CD9: variants seen among roughly 807,000 people sequenced by gnomAD.
The protein encoded by CD9 is CD9 antigen.
In CD9, 10 loss-of-function variants were observed where a neutral mutation model predicts 31.4. The observed-to-expected ratio is 0.32, with a 90% CI of 0.20 to 0.54. The LOEUF (loss-of-function observed/expected upper bound fraction) is 0.54. CD9 is among the 20% of genes least tolerant of loss of function. The pLI, the probability that CD9 is intolerant of heterozygous loss-of-function variation, is 0.94. For missense variants in CD9, 259 were observed against 300.1 expected (o/e 0.86, Z 1.01); for synonymous variants, 113 against 114.1 (o/e 0.99, Z 0.06).
intron 1 of CD9, among the ~76,000 whole-genome samples, chr12:6,215,187 A>G (rs1946232373): frequency 6.6e-6 from 1 of 152,226 alleles, no homozygotes; most frequent in African/African-American, 2.4e-5. Flanking sequence ...CTGGGCAGTG[A>G]GCTCTCCCTA....
At chr12:6,235,975 T>C in intron 6 of CD9, 1 of 1,417,022 alleles carries the variant, frequency 7.1e-7, no homozygotes, top group South Asian at 1.6e-5. Flanking sequence ...CCTCCTTCCC[T>C]GACGTCCTGC....
intron 1 of CD9, among the ~76,000 whole-genome samples, chr12:6,217,522 C>T (rs945625337): frequency 1.3e-5 from 2 of 151,930 alleles, no homozygotes; most frequent in Non-Finnish European, 2.9e-5. Flanking sequence ...CAGATTGAGA[C>T]CTGTCTCAAA....
chr12:6,201,214 C>T (rs1222224606), intron 1 of CD9, among the ~76,000 whole-genome samples: 1 of 152,224 alleles, frequency 6.6e-6, no homozygotes, highest in East Asian at 1.9e-4. Context: ...TCTGAGCCAC[C>T]GTGAGAGCGC....
chr12:6,228,698 G>A (rs779657538), intron 2 of CD9, among the ~76,000 whole-genome samples: 9 of 152,156 alleles, frequency 5.9e-5, no homozygotes, highest in South Asian at 2.1e-4. Flanking sequence ...GCGTCGCTCT[G>A]TGTCCCCTTC....
Position 6,230,091 on chromosome 12 carries a change from G to T in CD9, c.176-2541G>T, listed in dbSNP as rs888201611. 2.0e-5 allele frequency among the ~76,000 whole-genome samples: 3 copies of T among 152,224 alleles called. No individual in the cohort carries two copies. The South Asian group carries it at 6.2e-4, about 31-fold the overall frequency. ...ATAGCCCTTGTAAAAACCAGCCCGA[G>T]CCCTGCAGTGGTTCCGTGACTTCCA... On this transcript the variant is annotated intron_variant, in intron 2 of 7. Transcript: ENST00000009180.
intron 2 of CD9, 74 bp downstream of exon 2, chr12:6,225,608 G>A (rs1946355008): frequency 4.3e-6 from 4 of 919,850 alleles, no homozygotes; most frequent in South Asian, 2.7e-5. Context: ...GAGGCCCCAT[G>A]TTGACCCAGG....
chr12:6,211,992 A>T (rs1002860638), intron 1 of CD9, among the ~76,000 whole-genome samples: 5 of 152,144 alleles, frequency 3.3e-5, no homozygotes, highest in Admixed American at 2.0e-4. Flanking sequence ...CCTTGAAAGG[A>T]GGGAAGATTT....
intron 2 of CD9, among the ~76,000 whole-genome samples, chr12:6,227,355 T>C (rs1277715160): frequency 5.3e-5 from 8 of 152,096 alleles, no homozygotes. Flanking sequence ...TGTGCCACCA[T>C]GCCCAGCTGA....
chr12:6,235,148 C>A lies in CD9; in HGVS notation c.349-81C>A. ...CTGGTGGCTGAGAGCTTAGAGAGAA[C>A]AAGATGGAACGCATAACATTTGTTC... On this transcript the variant is annotated intron_variant, in intron 4 of 7. Coordinates refer to ENST00000009180, the MANE Select transcript of CD9 (RefSeq NM_001769.4). 2.9e-6 allele frequency: 3 copies of A among 1,037,426 alleles called. No individual in the cohort carries two copies. In the Admixed American group the frequency reaches 5.5e-5, roughly 19 times the overall value. 64.3% of individuals were successfully genotyped at this position (1,037,426 alleles called of 1,614,324 possible).
At chr12:6,211,606 G>A (rs1946194871) in intron 1 of CD9, among the ~76,000 whole-genome samples, 1 of 152,252 alleles carries the variant, frequency 6.6e-6, no homozygotes, top group African/African-American at 2.4e-5. Context: ...AGTGGCTAGA[G>A]TGTGTCAGCA....
chr12:6,210,839 T>G (rs1311215906), intron 1 of CD9, among the ~76,000 whole-genome samples: 1 of 148,366 alleles, frequency 6.7e-6, no homozygotes, highest in African/African-American at 2.5e-5. Context: ...GAGCAACTTT[T>G]TTTTTTTTTT....
At chr12:6,211,104 G>A (rs1946189871) in intron 1 of CD9, among the ~76,000 whole-genome samples, 1 of 152,098 alleles carries the variant, frequency 6.6e-6, no homozygotes, top group Admixed American at 6.5e-5. Context: ...CCAAAGTGCT[G>A]GGATTACAGG....
At chr12:6,212,325 A>G (rs1026469283) in intron 1 of CD9, among the ~76,000 whole-genome samples, 10 of 152,208 alleles carry the variant, frequency 6.6e-5, no homozygotes, top group Non-Finnish European at 1.3e-4. Context: ...GCAGCCCACT[A>G]AGAATCAGAA....
chr12:6,212,184 C>T (rs1162138505), intron 1 of CD9, among the ~76,000 whole-genome samples: 7 of 152,242 alleles, frequency 4.6e-5, no homozygotes, highest in East Asian at 1.9e-4. Flanking sequence ...TGCTGTGCAC[C>T]GTCAGAGGAA....
intron 3 of CD9, 86 bp from the exon 4 acceptor site, chr12:6,233,326 C>T (rs1591980381): frequency 1.0e-6 from 1 of 960,718 alleles, no homozygotes; most frequent in South Asian, 1.3e-5. Flanking sequence ...AGGGAGTTGT[C>T]CTTCTTCCTT....
intron 1 of CD9, among the ~76,000 whole-genome samples, chr12:6,217,897 C>T (rs1946257569): frequency 6.6e-6 from 1 of 152,118 alleles, no homozygotes; most frequent in Non-Finnish European, 1.5e-5. Context: ...TCCAAGGCAG[C>T]TGAATAGAGG....
chr12:6,220,860 A>G (rs1946285629), intron 1 of CD9, among the ~76,000 whole-genome samples: 2 of 152,232 alleles, frequency 1.3e-5, no homozygotes, highest in Non-Finnish European at 2.9e-5. Context: ...CTAGGAAACC[A>G]CCGTTGGTAC....
In CD9 at chr12:6,236,259, G is replaced by T; in HGVS notation, c.605G>T (p.Gly202Val). The T allele has an allele frequency of 6.2e-7, 1 of 1,614,164 alleles. No individual in the cohort carries two copies. The change falls in exon 7 of 8, where the codon GGC (glycine) becomes GTC (valine). Residue 202 changes from glycine (G) to valine (V), a missense_variant. Coordinates refer to ENST00000009180, the MANE Select transcript of CD9 (RefSeq NM_001769.4). ...KFHIIGAVGI[G>V]IAVVMIFGMI... ...CACATCATCGGCGCAGTGGGCATCGGCATTGCCGTGGTCATGGTGAGTGGC... is the reference window on the plus strand; with the variant it reads ...CACATCATCGGCGCAGTGGGCATCGTCATTGCCGTGGTCATGGTGAGTGGC...
At chr12:6,221,725 A>C (rs1362773265) in intron 1 of CD9, among the ~76,000 whole-genome samples, 1 of 151,104 alleles carries the variant, frequency 6.6e-6, no homozygotes, top group Non-Finnish European at 1.5e-5. Flanking sequence ...CCTGTAATCC[A>C]AGTGCTTTGG....
Sources: gnomAD v4.1 joint callset for allele counts (sites outside exome capture counted in the v4.1 genomes callset) on GRCh38, gnomAD v4.1.1 for gene constraint, MANE v1.5 for transcripts, NCBI Gene and HGNC (gene_info 2026-07-23, HGNC 2026-07-21) for gene names.